Variants in KLHL22 observed in about 807,000 individuals in gnomAD.
KLHL22 encodes kelch-like protein 22.
A neutral mutation model predicts 60.7 loss-of-function variants in KLHL22; 18 were observed. The ratio of observed to expected loss-of-function variants is 0.30; its 90% confidence interval spans 0.20 to 0.44. The LOEUF (loss-of-function observed/expected upper bound fraction) is 0.44. KLHL22 is among the 20% of genes least tolerant of loss of function. KLHL22 has a pLI of 1.00. For missense variants in KLHL22, 596 were observed against 852.3 expected, an observed-to-expected ratio of 0.70 and a Z score of 3.74; for synonymous variants, 355 against 354.5, an observed-to-expected ratio of 1.00 and a Z score of -0.01.
intron 4 of KLHL22, among the ~76,000 whole-genome samples, chr22:20,462,072 TG>T (rs2053163322): frequency 6.6e-6 from 1 of 151,860 alleles, no homozygotes; most frequent in Non-Finnish European, 1.5e-5. Context: ...CACTCCAGCC[TG>T]GGCAGAAAAC....
intron 5 of KLHL22, chr22:20,451,096 C>T: frequency 6.8e-7 from 1 of 1,473,394 alleles, no homozygotes; most frequent in Non-Finnish European, 9.5e-7. Flanking sequence ...CTCAGTGTCC[C>T]TACATGACCA....
At chr22:20,454,977 G>A (rs901965882) in intron 5 of KLHL22, among the ~76,000 whole-genome samples, 1 of 152,122 alleles carries the variant, frequency 6.6e-6, no homozygotes, top group African/African-American at 2.4e-5. Context: ...TGCCTCCCGG[G>A]TTCACGCCAT....
chr22:20,447,296 C>T (rs2052882872), intron 5 of KLHL22, among the ~76,000 whole-genome samples: 1 of 152,216 alleles, frequency 6.6e-6, no homozygotes, highest in African/African-American at 2.4e-5. Context: ...GGAACCCACC[C>T]ACTCACACCC....
intron 2 of KLHL22, chr22:20,482,747 A>AT (rs361967): frequency 0.91 from 450,632 of 493,924 alleles, 203,699 homozygotes; most frequent in African/African-American, 0.96. Flanking sequence ...TAATTTTTGT[A>AT]TTTTTTTTTG....
chr22:20,443,624 A>G (rs1464447346), intron 6 of KLHL22, among the ~76,000 whole-genome samples: 1 of 152,188 alleles, frequency 6.6e-6, no homozygotes, highest in Non-Finnish European at 1.5e-5. Flanking sequence ...CTGTAACCCC[A>G]GCTACTCGGG....
intron 6 of KLHL22, 99 bp downstream of exon 6, chr22:20,446,344 T>C: frequency 1.3e-6 from 1 of 785,788 alleles, no homozygotes; most frequent in Non-Finnish European, 2.1e-6. Context: ...AAAAATAGTC[T>C]ATTTTTAAAA....
intron 1 of KLHL22, among the ~76,000 whole-genome samples, chr22:20,493,776 A>C (rs1237403446): frequency 6.6e-6 from 1 of 151,864 alleles, no homozygotes; most frequent in Non-Finnish European, 1.5e-5. Context: ...ACAATGTGCA[A>C]AGTAGGCTGG....
At chr22:20,488,938 A>G in intron 2 of KLHL22, 47 bp downstream of exon 2, 1 of 1,573,094 alleles carries the variant, frequency 6.4e-7, no homozygotes, top group Non-Finnish European at 8.7e-7. Context: ...TAGCAGAGCC[A>G]GGATTACCTT....
At chr22:20,491,943 AGGCCCCAGAGAT>A (rs1191603100) in intron 1 of KLHL22, 1 of 152,158 alleles carries the variant, frequency 6.6e-6, no homozygotes, top group African/African-American at 2.4e-5. Context: ...TTTCTCACCA[AGGCCCCAGAGAT>A]GGCCACAGCC....
At chr22:20,481,548 G>C (rs371896330) in intron 2 of KLHL22, among the ~76,000 whole-genome samples, 1 of 152,034 alleles carries the variant, frequency 6.6e-6, no homozygotes, top group Non-Finnish European at 1.5e-5. Context: ...ACTCCCGCCC[G>C]GGCGACAGAG....
intron 6 of KLHL22, among the ~76,000 whole-genome samples, chr22:20,445,171 G>A (rs915505054): frequency 6.6e-6 from 1 of 151,722 alleles, no homozygotes; most frequent in African/African-American, 2.4e-5. Context: ...CAGTACTGCA[G>A]GGGCCTGATT....
chr22:20,492,009 C>T (rs1303650122), intron 1 of KLHL22: 1 of 152,202 alleles, frequency 6.6e-6, no homozygotes, highest in Non-Finnish European at 1.5e-5. Context: ...GATTCTCTTG[C>T]CTGGAAACTC....
intron 2 of KLHL22, among the ~76,000 whole-genome samples, chr22:20,475,909 G>A (rs1387632240): frequency 6.6e-6 from 1 of 152,152 alleles, no homozygotes; most frequent in African/African-American, 2.4e-5. Context: ...GACAGGAATA[G>A]TCTCCTTTCG....
intron 5 of KLHL22, among the ~76,000 whole-genome samples, chr22:20,448,115 T>C (rs1334375451): frequency 6.6e-6 from 1 of 152,228 alleles, no homozygotes; most frequent in Non-Finnish European, 1.5e-5. Context: ...ATCTCTTCTC[T>C]ATTTCTACAG....
intron 2 of KLHL22, among the ~76,000 whole-genome samples, chr22:20,476,811 C>T (rs1308004884): frequency 6.6e-6 from 1 of 150,656 alleles, no homozygotes; most frequent in Admixed American, 6.6e-5. Flanking sequence ...CACGTTCAAG[C>T]GATTCTCCTG....
rs533267617 is a variant in KLHL22, at chr22:20,455,199, T to A, written c.1305+2609A>T. On this transcript the variant is annotated intron_variant, in intron 5 of 6. Transcript: ENST00000328879. The stretch of plus-strand genomic sequence containing the variant: ...CGCCCTGCCAACATGACCTATCCTT[T>A]TTCATTCCCCAACATCTGATCCATC... Among the ~76,000 whole-genome samples the A allele has an allele frequency of 3.7e-4, 56 of 152,244 alleles. 1 individual carries two copies. The South Asian group carries it at 0.011, about 29-fold the overall frequency.
chr22:20,481,830 C>T (rs2053507255), intron 2 of KLHL22: 1 of 152,332 alleles, frequency 6.6e-6, no homozygotes, highest in South Asian at 2.1e-4. Context: ...TCTCAAACTC[C>T]AGGACTGAAC....
chr22:20,469,277 G>A lies in KLHL22; in HGVS notation c.393+2073C>T, dbSNP rs555529570. Among the ~76,000 whole-genome samples the A allele has an allele frequency of 3.3e-5, 5 of 152,242 alleles. No homozygotes were observed. The East Asian group carries it at 5.8e-4, about 18-fold the overall frequency. On this transcript the variant is annotated intron_variant, in intron 3 of 6. Transcript: ENST00000328879. ...AAGGATGACCTGTCCTCACATGGAC[G>A]CAGGGAATTAAGAAGGTGGACGGGC...
At chr22:20,467,820 G>A (rs62219861) in intron 3 of KLHL22, among the ~76,000 whole-genome samples, 1,547 of 152,120 alleles carry the variant, frequency 0.01, 15 homozygotes, top group Non-Finnish European at 0.015. Context: ...CACCACGCCC[G>A]GCTAATTTTT....
Sources: gnomAD v4.1 joint callset for allele counts (sites outside exome capture counted in the v4.1 genomes callset) on GRCh38, gnomAD v4.1.1 for gene constraint, MANE v1.5 for transcripts, NCBI Gene and HGNC (gene_info 2026-07-23, HGNC 2026-07-21) for gene names.